The following SLC5A12 variants were observed in gnomAD, a reference collection of about 807,000 sequenced individuals.
SLC5A12 encodes sodium-coupled monocarboxylate transporter 2.
SLC5A12 carries 46 observed loss-of-function variants against 72.7 expected under a neutral mutation model. The ratio of observed to expected loss-of-function variants is 0.63; its 90% CI spans 0.50 to 0.81. The LOEUF is 0.81. Ranked by LOEUF, SLC5A12 falls within the 30% of genes least tolerant of loss-of-function variation. SLC5A12 has a pLI of 0.00. For synonymous variants in SLC5A12, 275 were observed against 264.4 expected (o/e 1.04, Z -0.39); for missense variants, 683 against 740.7 (o/e 0.92, Z 0.90).
At chr11:26,678,868 G>A in intron 12 of SLC5A12, 53 bp from the exon 13 acceptor site, 1 of 1,244,004 alleles carries the variant, frequency 8.0e-7, no homozygotes, top group Non-Finnish European at 1.2e-6. Context: ...GACCCACAGT[G>A]ATGTAGAGGA....
At chr11:26,692,222 C>T (rs1009602512) in intron 9 of SLC5A12, 8 of 281,014 alleles carry the variant, frequency 2.8e-5, no homozygotes, top group Middle Eastern at 1.1e-3. Context: ...GCCCACAGGC[C>T]GTGGGTTGGA....
rs774345335 is a variant in SLC5A12, at chr11:26,703,666, T to A, written c.686A>T (p.Asp229Val). The change falls in exon 6 of 15, where the codon GAT becomes GTT. Residue 229 changes from aspartate to valine, a missense_variant. By Grantham distance (152) the Asp-to-Val change is radical. Transcript: ENST00000396005. ...AGTGTGTCGCCTGAGAGGATCTACA[T>A]CAAAGCTATGAGACAGAGAGAAATG... is the stretch of plus-strand genomic sequence containing the variant. ...NGSRLHIFDF[D>V]VDPLRRHTFW... is the part of the protein sequence containing the mutation. 1 of 1,613,774 alleles carries A rather than the reference T, an allele frequency of 6.2e-7. No homozygotes were observed. The highest frequency in any genetic ancestry group is 8.5e-7 in the Non-Finnish European group (1 of 1,179,864).
In SLC5A12 at chr11:26,721,908, C is replaced by T. The variant is rs915323845; in HGVS notation, c.-194G>A. 1.0e-5 allele frequency: 6 copies of T among 576,172 alleles called. No homozygotes were observed. The Middle Eastern group carries it at 1.4e-3, about 133-fold the overall frequency. 35.7% of individuals were successfully genotyped at this position (576,172 alleles called of 1,614,324 possible). On this transcript the variant is annotated 5_prime_UTR_variant, in exon 1 of 15. Coordinates refer to ENST00000396005, the MANE Select transcript of SLC5A12 (RefSeq NM_178498.4). ...ACTTAGTGAAGATCTCAAAAGTTGA[C>T]TTCAAAGAAGAATCTGGTGGTGGTA... is the stretch of plus-strand genomic sequence containing the variant.
At chr11:26,680,995 CT>C (rs1284538708) in intron 12 of SLC5A12, 59 bp downstream of exon 12, 2 of 1,412,158 alleles carry the variant, frequency 1.4e-6, no homozygotes, top group Admixed American at 4.6e-5. Flanking sequence ...AAGAGTGCAC[CT>C]CCCTCTTACC....
At position 26,703,517 on chromosome 11, in the gene SLC5A12, G is replaced by C; in HGVS notation, c.821+14C>G. On this transcript the variant is annotated intron_variant, in intron 6 of 14. Coordinates refer to ENST00000396005, the MANE Select transcript of SLC5A12 (RefSeq NM_178498.4). ...AAGATAAAACATTAAAATTTTTCTT[G>C]ACTGAGAACTTACAGCTTAGCATGC... 1 of 1,611,376 alleles carries C rather than the reference G, an allele frequency of 6.2e-7. No homozygotes were observed. The highest frequency in any genetic ancestry group is 1.1e-5 in the South Asian group (1 of 90,970).
chr11:26,713,386 T>C (rs1855277268), intron 1 of SLC5A12, among the ~76,000 whole-genome samples: 2 of 152,098 alleles, frequency 1.3e-5, no homozygotes, highest in Non-Finnish European at 2.9e-5. Flanking sequence ...CTTTCCTTCA[T>C]TTAGGCAGAA....
At chr11:26,709,236 T>C (rs1177344288) in intron 4 of SLC5A12, 76 bp downstream of exon 4, 1 of 1,027,082 alleles carries the variant, frequency 9.7e-7, no homozygotes, top group Non-Finnish European at 1.5e-6. Context: ...TATAATTAGA[T>C]GCCTATTGCT....
intron 2 of SLC5A12, among the ~76,000 whole-genome samples, chr11:26,711,563 T>A (rs1209196979): frequency 1.3e-5 from 2 of 151,958 alleles, no homozygotes; most frequent in Non-Finnish European, 2.9e-5. Context: ...AGGAAGAGAG[T>A]TGGATTTTCA....
At chr11:26,686,046 T>C (rs1200019433) in intron 10 of SLC5A12, among the ~76,000 whole-genome samples, 8 of 152,156 alleles carry the variant, frequency 5.3e-5, no homozygotes. Context: ...TTAAGAGAAG[T>C]GATGAAGATT....
intron 12 of SLC5A12, 151 bp downstream of exon 12, chr11:26,680,904 G>T: frequency 1.6e-6 from 1 of 615,118 alleles, no homozygotes; most frequent in Non-Finnish European, 2.4e-6. Flanking sequence ...CTGCAGCCCT[G>T]CGTGGCACTC....
intron 8 of SLC5A12, among the ~76,000 whole-genome samples, chr11:26,694,737 C>A (rs1034345919): frequency 1.3e-5 from 2 of 151,998 alleles, no homozygotes; most frequent in African/African-American, 2.4e-5. Flanking sequence ...AATATGTGAC[C>A]ATTTCAAAGA....
intron 14 of SLC5A12, among the ~76,000 whole-genome samples, chr11:26,671,631 A>G (rs1323851845): frequency 6.6e-6 from 1 of 152,070 alleles, no homozygotes; most frequent in Non-Finnish European, 1.5e-5. Context: ...GTCTGCTGAT[A>G]AAAACAGGGA....
Position 26,709,383 on chromosome 11 carries a change from G to C in SLC5A12, c.458-4C>G. The C allele has an allele frequency of 6.2e-7, 1 of 1,603,608 alleles. No individual in the cohort carries two copies. Among genetic ancestry groups the C allele is most frequent in the Non-Finnish European group, 8.5e-7 (1 of 1,175,204 alleles). On this transcript the variant is annotated splice_region_variant and splice_polypyrimidine_tract_variant and intron_variant, in intron 3 of 14. Transcript: ENST00000396005. ...CCCCAGAGATCAAACCCAGTCACTA[G>C]GAAAGAAGAAAAAAATATTAAAAGA...
rs1565185651 is a variant in SLC5A12, at chr11:26,680,330, TATATATATGTATATATATTC to T, written c.1475+705_1475+724del. Among the ~76,000 whole-genome samples the T allele has an allele frequency of 4.5e-4, 40 of 89,460 alleles. 2 individuals carry two copies. The highest frequency in any genetic ancestry group is 1.2e-3 in the African/African-American group (26 of 22,316). The allele number at this position is 89,460 out of a possible 152,430, so 58.7% of individuals were successfully genotyped here. A position where few individuals can be genotyped will look rare whatever the true frequency, so the allele number is the denominator to read the frequency against. On this transcript the variant is annotated intron_variant, in intron 12 of 14. Transcript: ENST00000396005. ...ATATATATATATGTATATATATTCA[TATATATATGTATATATATTC>T]ATATATATATGTATATATATTCATA...
At chr11:26,683,694 A>C (rs2133149908) in intron 11 of SLC5A12, 63 bp downstream of exon 11, 4 of 1,323,272 alleles carry the variant, frequency 3.0e-6, no homozygotes, top group African/African-American at 1.4e-5. Context: ...GGCTGAGAGG[A>C]GAGAGAAAAC....
chr11:26,693,001 T>A (rs1210779198), intron 8 of SLC5A12, among the ~76,000 whole-genome samples: 1 of 152,194 alleles, frequency 6.6e-6, no homozygotes, highest in East Asian at 1.9e-4. Flanking sequence ...TGCCACTCAT[T>A]AATTATTCAT....
rs1855164865 is a variant in SLC5A12 at position 26,709,312 on chromosome 11, C to T, written c.525G>A (p.Leu175=). The T allele has an allele frequency of 6.2e-7, 1 of 1,608,408 alleles. No individual in the cohort carries two copies. Among genetic ancestry groups the T allele is most frequent in the African/African-American group, 1.3e-5 (1 of 74,686 alleles). Reference sequence around the variant, plus strand: ...TACTTCTTCACAGCTAGATACATACCAGGGTACAGTAGAATGTGCAAACAA... The same window carrying T: ...TACTTCTTCACAGCTAGATACATACTAGGGTACAGTAGAATGTGCAAACAA... The part of the protein sequence containing the change: ...TGIVCTFYCT[L]GGLKAVVWTD... Residue 175 remains leucine (L), a splice_region_variant and synonymous_variant, in exon 4 of 15, where the codon CTG becomes CTA. Transcript: ENST00000396005.
At chr11:26,680,826 C>T (rs1425861992) in intron 12 of SLC5A12, among the ~76,000 whole-genome samples, 3 of 152,162 alleles carry the variant, frequency 2.0e-5, no homozygotes, top group Admixed American at 6.6e-5. Flanking sequence ...ACTCATATCT[C>T]GCATTAACTC....
Position 26,698,782 on chromosome 11 carries a change from A to G in SLC5A12, c.822-247T>C, listed in dbSNP as rs545034833. Among the ~76,000 whole-genome samples the G allele has an allele frequency of 7.7e-4, 118 of 152,338 alleles. 2 individuals are homozygous for G. The highest frequency in any genetic ancestry group is 4.3e-3 in the South Asian group (21 of 4,832). Reference sequence around the variant, plus strand: ...TTAAGTGAATTTTCCTTTGAAATCAAGAGTTTTTGCAAAACCTTGATATGT... The same window carrying G: ...TTAAGTGAATTTTCCTTTGAAATCAGGAGTTTTTGCAAAACCTTGATATGT... On this transcript the variant is annotated intron_variant, in intron 6 of 14. Coordinates refer to ENST00000396005, the MANE Select transcript of SLC5A12 (RefSeq NM_178498.4).
Sources: allele counts gnomAD v4.1 joint callset (sites outside exome capture counted in the v4.1 genomes callset), GRCh38; gene constraint gnomAD v4.1.1; transcripts MANE v1.5; gene names NCBI Gene and HGNC (gene_info 2026-07-23, HGNC 2026-07-21).